Variants in SGCE observed in about 807,000 individuals in gnomAD.
SGCE encodes the protein sarcoglycan epsilon.
In SGCE, 26 loss-of-function variants were observed where a neutral mutation model predicts 57.8. The ratio of observed to expected loss-of-function variants is 0.45; its 90% confidence interval spans 0.33 to 0.62. The LOEUF is 0.62. SGCE is among the 20% of genes least tolerant of loss of function. The probability of loss-of-function intolerance (pLI) is 0.02; values close to 1 mark genes in which losing one functional copy is unlikely to be tolerated. For synonymous variants in SGCE, 183 were observed against 189.5 expected (o/e 0.97, Z 0.28); for missense variants, 468 against 548.6 (o/e 0.85, Z 1.47).
At chr7:94,620,545 TTA>T (rs2116894627) in intron 4 of SGCE, 1 of 152,308 alleles carries the variant, frequency 6.6e-6, no homozygotes, top group South Asian at 2.1e-4. Flanking sequence ...CAGAAATGTG[TTA>T]TGAGAAAGTT....
chr7:94,618,646 TTTC>T, intron 5 of SGCE, 109 bp downstream of exon 5: 2 of 845,294 alleles, frequency 2.4e-6, no homozygotes, highest in Non-Finnish European at 3.8e-6. Context: ...ACAATATCTA[TTTC>T]TTATTAAAAC....
chr7:94,655,777 G>GAA lies in SGCE; in HGVS notation c.109+211_109+212dup, dbSNP rs35011167. Among the ~76,000 whole-genome samples, 21 of 150,152 alleles carry GAA rather than the reference G, an allele frequency of 1.4e-4. No homozygotes were observed. The South Asian group carries it at 2.5e-3, about 18-fold the overall frequency. Reference sequence around the variant, plus strand: ...GAGGGGCCCGCGGGGGCGCGGAGAGGAAAAAAAGGCCAGGGGTCAAGCCTG... The same window carrying GAA: ...GAGGGGCCCGCGGGGGCGCGGAGAGGAAAAAAAAAGGCCAGGGGTCAAGCCTG... On this transcript the variant is annotated intron_variant, in intron 1 of 10. Coordinates refer to ENST00000648936, the MANE Select transcript of SGCE (RefSeq NM_003919.3).
At chr7:94,588,263 C>T in intron 10 of SGCE, 2 of 1,043,050 alleles carry the variant, frequency 1.9e-6, no homozygotes, top group Non-Finnish European at 2.3e-6. Flanking sequence ...AGCCATTTCT[C>T]ATTTATCCCC....
intron 3 of SGCE, 193 bp from the exon 4 acceptor site, chr7:94,623,590 T>C: frequency 1.7e-6 from 1 of 588,004 alleles, no homozygotes; most frequent in South Asian, 2.3e-5. Flanking sequence ...AAATAATTAG[T>C]CAGGTCTATT....
At chr7:94,593,596 CT>C (rs1261846451) in intron 9 of SGCE, among the ~76,000 whole-genome samples, 1 of 151,906 alleles carries the variant, frequency 6.6e-6, no homozygotes, top group Non-Finnish European at 1.5e-5. Context: ...TTTTCAATGG[CT>C]TTTAGCTGTT....
intron 1 of SGCE, among the ~76,000 whole-genome samples, chr7:94,637,922 T>A (rs374846636): frequency 3.3e-5 from 5 of 152,116 alleles, no homozygotes; most frequent in African/African-American, 1.2e-4. Context: ...CAGTGCAGAC[T>A]GCAACAGTGA....
Position 94,598,887 on chromosome 7 carries a change from C to T in SGCE, c.1141G>A (p.Ala381Thr), listed in dbSNP as rs1341048280. Residue 381 changes from alanine (A) to threonine (T), a missense_variant, in exon 9 of 11, where the codon GCA becomes ACA. Physicochemically the swap from Ala to Thr is moderately conservative, Grantham distance 58. Transcript: ENST00000648936. The part of the protein sequence containing the change: ...LRDMSKNREI[A>T]WPLSTLPVFH... ...ACAGGAAGCGTTGACAGGGGCCATG[C>T]TATCTCTCTATTCTTGGACATGTCT... 1.9e-6 allele frequency: 3 copies of T among 1,613,428 alleles called. No homozygotes were observed. The highest frequency in any genetic ancestry group is 2.5e-6 in the Non-Finnish European group (3 of 1,179,558).
chr7:94,590,272 T>TTTTAATTAAAAAAA (rs1442148455), intron 9 of SGCE, among the ~76,000 whole-genome samples: 3 of 152,152 alleles, frequency 2.0e-5, no homozygotes, highest in Non-Finnish European at 4.4e-5. Context: ...AACATATTAT[T>TTTTAATTAAAAAAA]TTTAATTAAA....
chr7:94,631,729 G>A (rs1449188962), intron 1 of SGCE, among the ~76,000 whole-genome samples: 1 of 151,776 alleles, frequency 6.6e-6, no homozygotes, highest in African/African-American at 2.4e-5. Flanking sequence ...AAACTGGGAA[G>A]AAAAGAAGAG....
intron 9 of SGCE, chr7:94,589,406 G>C (rs1015292826): frequency 9.7e-5 from 15 of 154,468 alleles, no homozygotes; most frequent in African/African-American, 3.6e-4. Flanking sequence ...TTGGATCCTT[G>C]TAAGGGGATT....
intron 10 of SGCE, 127 bp from the exon 11 acceptor site, chr7:94,585,642 T>G: frequency 1.4e-6 from 1 of 700,846 alleles, no homozygotes; most frequent in Non-Finnish European, 2.6e-6. Flanking sequence ...AATAATTACA[T>G]TGCATTATTT....
At chr7:94,634,670 A>T (rs1805311471) in intron 1 of SGCE, among the ~76,000 whole-genome samples, 1 of 152,204 alleles carries the variant, frequency 6.6e-6, no homozygotes, top group Non-Finnish European at 1.5e-5. Context: ...TAGATGTAAA[A>T]GACAGGAGCC....
rs1261277035 is a variant in SGCE at position 94,600,694 on chromosome 7, A to G, written c.989T>C (p.Val330Ala). The G allele has an allele frequency of 6.2e-7, 1 of 1,613,762 alleles. No individual in the cohort carries two copies. The highest frequency in any genetic ancestry group is 8.5e-7 in the Non-Finnish European group (1 of 1,179,876). ...GATATAAGCAAGTATTAGAAAAAGG[A>G]CCAGTGCCACTGCCGAGGGCACAGC... ...TLAVPSAVALVLFLILAYIMC... is the reference protein window; with the variant it reads ...TLAVPSAVALALFLILAYIMC... The change falls in exon 7 of 11, where the codon GTC (valine) becomes GCC (alanine). Residue 330 changes from valine to alanine, a missense_variant. Coordinates refer to ENST00000648936, the MANE Select transcript of SGCE (RefSeq NM_003919.3).
chr7:94,646,582 G>C (rs1807110352), intron 1 of SGCE, among the ~76,000 whole-genome samples: 2 of 152,094 alleles, frequency 1.3e-5, no homozygotes, highest in Non-Finnish European at 2.9e-5. Flanking sequence ...GGACTATTGT[G>C]AAAATAATAA....
chr7:94,634,693 A>G (rs773540253), intron 1 of SGCE, among the ~76,000 whole-genome samples: 1 of 152,170 alleles, frequency 6.6e-6, no homozygotes, highest in Non-Finnish European at 1.5e-5. Flanking sequence ...CATTCGCAGC[A>G]TCTATTTTGG....
At chr7:94,630,447 T>A (rs1345151455) in intron 1 of SGCE, among the ~76,000 whole-genome samples, 5 of 151,906 alleles carry the variant, frequency 3.3e-5, no homozygotes, top group Non-Finnish European at 5.9e-5. Context: ...TTTTCTCTGA[T>A]CTTGATATTT....
chr7:94,628,632 A>G, intron 2 of SGCE: 1 of 401,634 alleles, frequency 2.5e-6, no homozygotes, highest in South Asian at 2.5e-5. Flanking sequence ...TAACAGTGAT[A>G]TAGTTCTGCC....
At chr7:94,588,958 A>C (rs1584476432) in intron 9 of SGCE, 1 of 553,868 alleles carries the variant, frequency 1.8e-6, no homozygotes, top group East Asian at 3.2e-5. Context: ...ACTGCGGGCT[A>C]TACTCTAAAG....
chr7:94,627,015 T>C (rs904086207), intron 3 of SGCE: 1 of 152,088 alleles, frequency 6.6e-6, no homozygotes, highest in African/African-American at 2.4e-5. Flanking sequence ...TTTATAACTT[T>C]TACTGAATAT....
Sources: allele counts gnomAD v4.1 joint callset (sites outside exome capture counted in the v4.1 genomes callset), GRCh38; gene constraint gnomAD v4.1.1; transcripts MANE v1.5; gene names NCBI Gene and HGNC (gene_info 2026-07-23, HGNC 2026-07-21).